Variants in SSBP3 observed in about 807,000 individuals in gnomAD.
SSBP3 encodes single-stranded DNA-binding protein 3.
Under a neutral mutation model 69.6 loss-of-function variants are expected in SSBP3, and 5 were observed. That is an observed-to-expected ratio of 0.07 (90% CI 0.04 to 0.15). The LOEUF (loss-of-function observed/expected upper bound fraction) is 0.15. Ranked by LOEUF, SSBP3 falls within the 10% of genes least tolerant of loss-of-function variation. The pLI, the probability that SSBP3 is intolerant of heterozygous loss-of-function variation, is 1.00. For synonymous variants in SSBP3, 196 were observed against 193.4 expected (o/e 1.01, Z -0.11); for missense variants, 312 against 534.0 (o/e 0.58, Z 4.10).
chr1:54,228,672 CAGCTGAGCCAGG>C, intron 15 of SSBP3, 64 bp downstream of exon 15: 4 of 1,520,384 alleles, frequency 2.6e-6, no homozygotes, highest in Non-Finnish European at 3.6e-6. Context: ...GTACCAAGCC[CAGCTGAGCCAGG>C]AGCTGAGGCA....
intron 4 of SSBP3, among the ~76,000 whole-genome samples, chr1:54,401,324 G>A (rs1372589586): frequency 6.6e-6 from 1 of 151,978 alleles, no homozygotes; most frequent in South Asian, 2.1e-4. Context: ...ACTAGCTGAG[G>A]ATCTCAGAGT....
chr1:54,252,914 T>C (rs1457367533), intron 7 of SSBP3, among the ~76,000 whole-genome samples: 3 of 152,170 alleles, frequency 2.0e-5, no homozygotes, highest in East Asian at 3.9e-4. Flanking sequence ...GTGACAGGGG[T>C]CTGTCCTCAA....
intron 4 of SSBP3, among the ~76,000 whole-genome samples, chr1:54,360,006 T>C (rs1223758243): frequency 6.6e-6 from 1 of 152,218 alleles, no homozygotes; most frequent in Non-Finnish European, 1.5e-5. Flanking sequence ...TCTTGTTCAC[T>C]TGCAAAATTC....
chr1:54,320,699 T>C (rs1033513456), intron 4 of SSBP3, among the ~76,000 whole-genome samples: 1 of 151,934 alleles, frequency 6.6e-6, no homozygotes, highest in Admixed American at 6.6e-5. Context: ...ATCATCCAGG[T>C]GCTAGGAACT....
chr1:54,239,686 G>A (rs1164126802), intron 13 of SSBP3, among the ~76,000 whole-genome samples: 2 of 152,232 alleles, frequency 1.3e-5, no homozygotes, highest in Admixed American at 6.5e-5. Context: ...CATATGGAGT[G>A]GGTGCATGTG....
intron 7 of SSBP3, among the ~76,000 whole-genome samples, 180 bp downstream of exon 7, chr1:54,256,947 C>T (rs1644932477): frequency 6.6e-6 from 1 of 152,182 alleles, no homozygotes; most frequent in Admixed American, 6.5e-5. Flanking sequence ...TGAACTGCCG[C>T]ACCATGGGCA....
intron 4 of SSBP3, among the ~76,000 whole-genome samples, chr1:54,328,695 C>T (rs1646353452): frequency 6.6e-6 from 1 of 152,212 alleles, no homozygotes; most frequent in South Asian, 2.1e-4. Flanking sequence ...GCCAAGGCGC[C>T]TTTATAAAAA....
intron 4 of SSBP3, among the ~76,000 whole-genome samples, chr1:54,393,391 A>G (rs923576768): frequency 6.6e-6 from 1 of 152,092 alleles, no homozygotes; most frequent in African/African-American, 2.4e-5. Context: ...ACAGGCACAC[A>G]CCTCTCACCC....
intron 4 of SSBP3, among the ~76,000 whole-genome samples, chr1:54,382,916 C>T (rs1230457363): frequency 8.8e-5 from 12 of 137,094 alleles, no homozygotes; most frequent in African/African-American, 2.5e-4. Context: ...ACCCAGGAGG[C>T]GGAGGCTGCG....
intron 4 of SSBP3, among the ~76,000 whole-genome samples, chr1:54,294,911 TA>T (rs1645678328): frequency 6.6e-6 from 1 of 152,054 alleles, no homozygotes; most frequent in South Asian, 2.1e-4. Context: ...CACCCTGCGA[TA>T]CCTTCCTCCA....
chr1:54,225,509 T>G, exon 18 of SSBP3: 1 of 1,062,372 alleles, frequency 9.4e-7, no homozygotes, highest in Non-Finnish European at 1.2e-6. Context: ...ATAATTACTT[T>G]TTTTTCCTCT....
intron 17 of SSBP3, among the ~76,000 whole-genome samples, chr1:54,227,727 G>A (rs111414162): frequency 0.089 from 13,512 of 152,176 alleles, 725 homozygotes; most frequent in South Asian, 0.24. Context: ...ATAGGCATGC[G>A]ACACTACACC....
intron 5 of SSBP3, among the ~76,000 whole-genome samples, chr1:54,276,607 T>TC (rs1553129765): frequency 1.6e-5 from 1 of 61,592 alleles, no homozygotes; most frequent in Non-Finnish European, 2.6e-5. Flanking sequence ...AGACTCTGTC[T>TC]CAAAAAAAAA....
intron 4 of SSBP3, among the ~76,000 whole-genome samples, chr1:54,334,540 T>C (rs182530964): frequency 2.0e-5 from 3 of 152,282 alleles, no homozygotes; most frequent in Admixed American, 2.0e-4. Flanking sequence ...TGGATTACAG[T>C]TGGTCCCGCC....
chr1:54,271,420 T>C (rs1394372618), intron 5 of SSBP3, among the ~76,000 whole-genome samples: 1 of 152,140 alleles, frequency 6.6e-6, no homozygotes, highest in Non-Finnish European at 1.5e-5. Flanking sequence ...GAATATAGGT[T>C]TATATGTATA....
At chr1:54,241,347 C>G in intron 12 of SSBP3, 127 bp downstream of exon 12, 2 of 1,085,420 alleles carry the variant, frequency 1.8e-6, no homozygotes, top group Non-Finnish European at 2.8e-6. Flanking sequence ...ACAGCAAGTT[C>G]TAGCAGTTTG....
At chr1:54,301,458 CT>C (rs981501830) in intron 4 of SSBP3, among the ~76,000 whole-genome samples, 2 of 152,190 alleles carry the variant, frequency 1.3e-5, no homozygotes, top group African/African-American at 2.4e-5. Flanking sequence ...TCAACACCCC[CT>C]ACCCATGCCC....
chr1:54,305,899 C>A (rs1450818790), intron 4 of SSBP3, among the ~76,000 whole-genome samples: 1 of 150,152 alleles, frequency 6.7e-6, no homozygotes, highest in African/African-American at 2.5e-5. Flanking sequence ...CAAGCCCAGT[C>A]ACTCTTATCT....
rs545812082 is a variant in SSBP3, at chr1:54,292,978, G to C, written c.277-11451C>G. ...AGGAGACTCTTGGAGGATGGTGACT[G>C]GATGGTTTGCTCCAAAAGTAATACA... is the stretch of plus-strand genomic sequence containing the variant. On this transcript the variant is annotated intron_variant, in intron 4 of 17. Transcript: ENST00000610401. Among the ~76,000 whole-genome samples, 5 of 152,114 alleles carry C rather than the reference G, an allele frequency of 3.3e-5. No individual in the cohort carries two copies. In the East Asian group the frequency reaches 9.7e-4, roughly 29 times the overall value.
Sources: gnomAD v4.1 joint callset for allele counts (sites outside exome capture counted in the v4.1 genomes callset) on GRCh38, gnomAD v4.1.1 for gene constraint, MANE v1.5 for transcripts, NCBI Gene and HGNC (gene_info 2026-07-23, HGNC 2026-07-21) for gene names.